NLGN1: variants seen among roughly 807,000 people sequenced by gnomAD.
NLGN1 encodes neuroligin-1.
Under a neutral mutation model 65.5 loss-of-function variants are expected in NLGN1, and 12 were observed. That is an observed-to-expected ratio of 0.18 (90% CI 0.12 to 0.30). The LOEUF is 0.30. NLGN1 is among the 10% of genes least tolerant of loss of function. NLGN1 has a pLI of 1.00. For synonymous variants in NLGN1, 350 were observed against 359.5 expected (o/e 0.97, Z 0.30); for missense variants, 750 against 1,007.1 (o/e 0.74, Z 3.46).
intron 2 of NLGN1, among the ~76,000 whole-genome samples, chr3:173,543,158 A>G (rs980847458): frequency 1.3e-5 from 2 of 152,146 alleles, no homozygotes; most frequent in Non-Finnish European, 1.5e-5. Context: ...CTTGTATGCT[A>G]TAATGTAAGA....
chr3:173,674,991 C>T (rs1206232273), intron 3 of NLGN1, among the ~76,000 whole-genome samples: 1 of 151,362 alleles, frequency 6.6e-6, no homozygotes, highest in Non-Finnish European at 1.5e-5. Flanking sequence ...TTTTTTTTTA[C>T]TCAAATTATG....
intron 4 of NLGN1, among the ~76,000 whole-genome samples, chr3:173,862,288 C>T (rs1235340897): frequency 2.6e-5 from 4 of 151,256 alleles, no homozygotes; most frequent in African/African-American, 9.7e-5. Flanking sequence ...GGGCGGATCA[C>T]GAGGTCGGGA....
intron 4 of NLGN1, among the ~76,000 whole-genome samples, chr3:173,989,705 T>G (rs1282957533): frequency 6.6e-6 from 1 of 152,178 alleles, no homozygotes; most frequent in African/African-American, 2.4e-5. Context: ...TTACCGCAGG[T>G]GCATCAAGTA....
intron 3 of NLGN1, among the ~76,000 whole-genome samples, chr3:173,733,155 A>T (rs901885): frequency 6.6e-6 from 1 of 152,052 alleles, no homozygotes; most frequent in Non-Finnish European, 1.5e-5. Context: ...CTTCATTCCT[A>T]TGAAAACTTG....
At chr3:173,683,704 CA>C (rs1284380168) in intron 3 of NLGN1, among the ~76,000 whole-genome samples, 2 of 152,158 alleles carry the variant, frequency 1.3e-5, no homozygotes, top group Non-Finnish European at 2.9e-5. Context: ...TAATTCCTTT[CA>C]CTTAGTTGAT....
chr3:174,120,347 A>T (rs1182822266), intron 4 of NLGN1, among the ~76,000 whole-genome samples: 2 of 151,588 alleles, frequency 1.3e-5, no homozygotes, highest in East Asian at 3.9e-4. Flanking sequence ...CTATAAATAA[A>T]AAAAAAAAAA....
At position 173,672,839 on chromosome 3, in the gene NLGN1, A is replaced by G. The variant is rs1266751969; in HGVS notation, c.493+67748A>G. ...CCCACTTGCTGAAAAATAGAGGTCA[A>G]TGTCACTTTACAACAGCAGAAGTGG... On this transcript the variant is annotated intron_variant, in intron 3 of 6. Transcript: ENST00000457714. Among the ~76,000 whole-genome samples the G allele has an allele frequency of 2.6e-5, 4 of 152,312 alleles. 1 individual carries two copies. In the South Asian group the frequency reaches 6.2e-4, roughly 24 times the overall value.
At chr3:173,724,873 G>T (rs975202836) in intron 3 of NLGN1, among the ~76,000 whole-genome samples, 10 of 152,176 alleles carry the variant, frequency 6.6e-5, no homozygotes, top group African/African-American at 2.4e-4. Flanking sequence ...ATGAGTTCAT[G>T]TCCTTTGTAG....
At chr3:173,550,208 T>C (rs887475975) in intron 2 of NLGN1, among the ~76,000 whole-genome samples, 3 of 152,152 alleles carry the variant, frequency 2.0e-5, no homozygotes, top group Non-Finnish European at 4.4e-5. Flanking sequence ...ACGCCAATTA[T>C]ATTTAGATAA....
intron 4 of NLGN1, among the ~76,000 whole-genome samples, chr3:174,243,515 A>G (rs776902608): frequency 6.6e-6 from 1 of 152,208 alleles, no homozygotes; most frequent in Admixed American, 6.5e-5. Context: ...CTAGGTCTCT[A>G]TGCTTCAGCT....
At chr3:173,664,277 T>A (rs1761394056) in intron 3 of NLGN1, among the ~76,000 whole-genome samples, 1 of 152,050 alleles carries the variant, frequency 6.6e-6, no homozygotes, top group Admixed American at 6.6e-5. Flanking sequence ...AAATGAACTT[T>A]AAAAAAATTC....
intron 2 of NLGN1, among the ~76,000 whole-genome samples, chr3:173,480,142 T>C (rs1159314775): frequency 6.6e-6 from 1 of 152,014 alleles, no homozygotes; most frequent in Non-Finnish European, 1.5e-5. Context: ...CAACATCTCT[T>C]CTCTGGTCCT....
chr3:173,571,707 T>C (rs1195508697), intron 2 of NLGN1, among the ~76,000 whole-genome samples: 4 of 152,244 alleles, frequency 2.6e-5, no homozygotes, highest in African/African-American at 9.6e-5. Flanking sequence ...AATCTTCTTT[T>C]CATAGTAGTT....
rs544041652 is a variant in NLGN1 at position 173,683,303 on chromosome 3, C to A, written c.493+78212C>A. On this transcript the variant is annotated intron_variant, in intron 3 of 6. Transcript: ENST00000457714. ...CCTTCCTTCCTCTTCCTCTTCCCCC[C>A]ATGGCATAAATACTGCTTCATGCAC... Among the ~76,000 whole-genome samples, 81 of 152,220 alleles carry A rather than the reference C, an allele frequency of 5.3e-4. 2 individuals are homozygous for A. In the South Asian group the frequency reaches 0.013, roughly 25 times the overall value.
intron 4 of NLGN1, among the ~76,000 whole-genome samples, chr3:174,060,645 CA>C (rs1360350945): frequency 6.6e-6 from 1 of 152,084 alleles, no homozygotes; most frequent in Non-Finnish European, 1.5e-5. Context: ...CCCCCACTTT[CA>C]GTCAATCAAT....
At chr3:173,642,287 T>C (rs936464007) in intron 3 of NLGN1, among the ~76,000 whole-genome samples, 12 of 152,120 alleles carry the variant, frequency 7.9e-5, no homozygotes, top group Non-Finnish European at 1.2e-4. Context: ...ATTTATTGCC[T>C]TGAGAGTTTT....
chr3:173,859,520 T>C (rs551042172), intron 4 of NLGN1, among the ~76,000 whole-genome samples: 35 of 152,246 alleles, frequency 2.3e-4, no homozygotes, highest in African/African-American at 8.4e-4. Flanking sequence ...CCTATTTCAC[T>C]CTTTAGAAAA....
At chr3:174,252,039 T>C in intron 4 of NLGN1, among the ~76,000 whole-genome samples, 1 of 152,166 alleles carries the variant, frequency 6.6e-6, no homozygotes, top group East Asian at 1.9e-4. Flanking sequence ...AAGGCAAGAA[T>C]AAGCATTTTA....
intron 4 of NLGN1, among the ~76,000 whole-genome samples, chr3:174,237,342 TTACTTA>T (rs1741904304): frequency 6.6e-6 from 1 of 152,124 alleles, no homozygotes; most frequent in Non-Finnish European, 1.5e-5. Flanking sequence ...AAACTACAAT[TTACTTA>T]TACTGTTAAT....
Sources: gnomAD v4.1 joint callset for allele counts (sites outside exome capture counted in the v4.1 genomes callset) on GRCh38, gnomAD v4.1.1 for gene constraint, MANE v1.5 for transcripts, NCBI Gene and HGNC (gene_info 2026-07-23, HGNC 2026-07-21) for gene names.